The following PRKD1 variants were observed in gnomAD, a reference collection of about 807,000 sequenced individuals.
PRKD1 encodes the protein protein kinase D1, also known as serine/threonine-protein kinase D1.
A neutral mutation model predicts 95.9 loss-of-function variants in PRKD1; 63 were observed. That is an observed-to-expected ratio of 0.66 (90% CI 0.54 to 0.81). The LOEUF is 0.81. Among genes scored for constraint, PRKD1 ranks in the 30% least tolerant of loss-of-function variants. The pLI, the probability that PRKD1 is intolerant of heterozygous loss-of-function variation, is 0.00. For synonymous variants in PRKD1, 425 were observed against 423.1 expected, an observed-to-expected ratio of 1.00 and a Z score of -0.05; for missense variants, 1,048 against 1,165.3, an observed-to-expected ratio of 0.90 and a Z score of 1.47.
At chr14:29,898,329 T>C (rs1392715996) in intron 1 of PRKD1, among the ~76,000 whole-genome samples, 1 of 152,136 alleles carries the variant, frequency 6.6e-6, no homozygotes, top group African/African-American at 2.4e-5. Context: ...TAAAGAATTT[T>C]AAAATTTTCA....
At chr14:29,806,379 A>C (rs908416554) in intron 1 of PRKD1, among the ~76,000 whole-genome samples, 2 of 152,166 alleles carry the variant, frequency 1.3e-5, no homozygotes, top group Non-Finnish European at 2.9e-5. Context: ...GTATGCTGTG[A>C]AACTGATTAA....
intron 1 of PRKD1, among the ~76,000 whole-genome samples, chr14:29,923,367 T>C (rs1895191797): frequency 6.6e-6 from 1 of 152,128 alleles, no homozygotes; most frequent in Non-Finnish European, 1.5e-5. Flanking sequence ...AGACCATCAT[T>C]AGTTTAAAAG....
chr14:29,695,181 C>T (rs1371597748), intron 2 of PRKD1, among the ~76,000 whole-genome samples: 2 of 148,522 alleles, frequency 1.3e-5, no homozygotes, highest in African/African-American at 2.5e-5. Context: ...TTGCAGTGAG[C>T]TGAGATCCTG....
At chr14:29,836,495 A>G (rs1566628177) in intron 1 of PRKD1, among the ~76,000 whole-genome samples, 1 of 152,120 alleles carries the variant, frequency 6.6e-6, no homozygotes, top group Non-Finnish European at 1.5e-5. Context: ...AGGTAAAGAG[A>G]GCTGTAAGCC....
intron 2 of PRKD1, among the ~76,000 whole-genome samples, chr14:29,679,955 C>G (rs1266989474): frequency 6.6e-6 from 1 of 152,026 alleles, no homozygotes; most frequent in South Asian, 2.1e-4. Flanking sequence ...TAGGTAGAAA[C>G]ACAGTGGAAT....
chr14:29,878,236 C>T (rs1893372297), intron 1 of PRKD1, among the ~76,000 whole-genome samples: 1 of 150,120 alleles, frequency 6.7e-6, no homozygotes, highest in South Asian at 2.1e-4. Flanking sequence ...TAATCTGTAC[C>T]ACAAACCCCT....
chr14:29,836,032 G>T (rs1421820316), intron 1 of PRKD1, among the ~76,000 whole-genome samples: 2 of 152,194 alleles, frequency 1.3e-5, no homozygotes, highest in Admixed American at 6.5e-5. Flanking sequence ...TATCATGGGA[G>T]ATCAGAAGAA....
At chr14:29,684,143 G>GTTTTTTTTTTT (rs11285857) in intron 2 of PRKD1, among the ~76,000 whole-genome samples, 1 of 135,792 alleles carries the variant, frequency 7.4e-6, no homozygotes, top group Non-Finnish European at 1.6e-5. Context: ...CTTTAGAATG[G>GTTTTTTTTTTT]TTTTTTTTTT....
At chr14:29,635,151 C>CACT (rs1880285017) in intron 7 of PRKD1, among the ~76,000 whole-genome samples, 1 of 152,138 alleles carries the variant, frequency 6.6e-6, no homozygotes, top group African/African-American at 2.4e-5. Flanking sequence ...ACTGAGGCCA[C>CACT]ACTATTCAGA....
chr14:29,854,205 A>G (rs537765649), intron 1 of PRKD1, among the ~76,000 whole-genome samples: 255 of 152,306 alleles, frequency 1.7e-3, no homozygotes, highest in African/African-American at 5.7e-3. Flanking sequence ...GGCTTGAAAC[A>G]GTTTGGAGGG....
chr14:29,859,860 T>C (rs1000144873), intron 1 of PRKD1, among the ~76,000 whole-genome samples: 2 of 152,102 alleles, frequency 1.3e-5, no homozygotes, highest in African/African-American at 4.8e-5. Flanking sequence ...TAATATAGTT[T>C]TTTAAATAAT....
At chr14:29,772,522 G>C (rs149902276) in intron 1 of PRKD1, among the ~76,000 whole-genome samples, 1 of 152,042 alleles carries the variant, frequency 6.6e-6, no homozygotes, top group East Asian at 1.9e-4. Flanking sequence ...AGGTAATATC[G>C]TATGTACTTT....
chr14:29,709,956 C>G (rs902043142), intron 2 of PRKD1, among the ~76,000 whole-genome samples: 15 of 152,144 alleles, frequency 9.9e-5, no homozygotes, highest in Non-Finnish European at 2.2e-4. Flanking sequence ...TTAGCAATCC[C>G]AGTTGGTTAT....
chr14:29,821,897 A>G (rs1890927431), intron 1 of PRKD1, among the ~76,000 whole-genome samples: 1 of 152,022 alleles, frequency 6.6e-6, no homozygotes, highest in Non-Finnish European at 1.5e-5. Flanking sequence ...CTCCTCAAGC[A>G]GACAGACTCC....
chr14:29,647,208 A>T (rs1414122599), intron 4 of PRKD1, among the ~76,000 whole-genome samples: 2 of 152,190 alleles, frequency 1.3e-5, no homozygotes, highest in South Asian at 2.1e-4. Flanking sequence ...ATAATCTCTT[A>T]CTAAAATACA....
intron 1 of PRKD1, among the ~76,000 whole-genome samples, chr14:29,872,696 TA>T (rs1423423383): frequency 8.7e-5 from 13 of 150,174 alleles, no homozygotes; most frequent in African/African-American, 2.2e-4. Context: ...CCACACCAAA[TA>T]TATCCCTTTT....
intron 2 of PRKD1, among the ~76,000 whole-genome samples, chr14:29,711,307 A>G (rs888422920): frequency 2.6e-5 from 4 of 152,166 alleles, no homozygotes; most frequent in African/African-American, 7.2e-5. Flanking sequence ...GAAGGGAATA[A>G]TATTTTAACT....
At chr14:29,603,510 A>T (rs190372070) in intron 13 of PRKD1, among the ~76,000 whole-genome samples, 1 of 152,236 alleles carries the variant, frequency 6.6e-6, no homozygotes, top group Non-Finnish European at 1.5e-5. Flanking sequence ...TGGAAATAAG[A>T]AAAAAGTTCC....
chr14:29,626,901 G>A (rs1879667648), intron 11 of PRKD1, among the ~76,000 whole-genome samples: 1 of 152,070 alleles, frequency 6.6e-6, no homozygotes, highest in South Asian at 2.1e-4. Flanking sequence ...TTTTAGTAGA[G>A]ATGGGGTTTC....
Sources: allele counts gnomAD v4.1 joint callset (sites outside exome capture counted in the v4.1 genomes callset), GRCh38; gene constraint gnomAD v4.1.1; transcripts MANE v1.5; gene names NCBI Gene and HGNC (gene_info 2026-07-23, HGNC 2026-07-21).